Variants in NTRK2 observed in about 807,000 individuals in gnomAD.
NTRK2 encodes BDNF/NT-3 growth factors receptor.
NTRK2 carries 13 observed loss-of-function variants against 94.5 expected under a neutral mutation model. That is an observed-to-expected ratio of 0.14 (90% CI 0.09 to 0.22). The LOEUF (loss-of-function observed/expected upper bound fraction) is 0.22, where lower values mean the gene tolerates loss of function less well. NTRK2 is among the 10% of genes least tolerant of loss of function. NTRK2 has a pLI of 1.00. For synonymous variants in NTRK2, 372 were observed against 407.4 expected (o/e 0.91, Z 1.05); for missense variants, 639 against 1,071.2 (o/e 0.60, Z 5.63).
At chr9:84,704,437 A>T (rs1030751883) in intron 4 of NTRK2, among the ~76,000 whole-genome samples, 1 of 151,700 alleles carries the variant, frequency 6.6e-6, no homozygotes, top group African/African-American at 2.4e-5. Flanking sequence ...CGCATTAGCC[A>T]GGATGGTCTC....
chr9:84,942,903 C>T (rs1230574417), intron 15 of NTRK2, among the ~76,000 whole-genome samples: 1 of 152,060 alleles, frequency 6.6e-6, no homozygotes, highest in Non-Finnish European at 1.5e-5. Flanking sequence ...TAAAGATTCT[C>T]CATTTGCAAC....
intron 14 of NTRK2, chr9:84,875,793 C>A (rs1487569944): frequency 9.5e-7 from 1 of 1,048,814 alleles, no homozygotes; most frequent in African/African-American, 1.7e-5. Context: ...ATGTCTCAGG[C>A]CTCTAGACCT....
At chr9:84,900,193 C>G (rs563358848) in intron 14 of NTRK2, among the ~76,000 whole-genome samples, 1 of 152,126 alleles carries the variant, frequency 6.6e-6, no homozygotes, top group East Asian at 1.9e-4. Flanking sequence ...TGATCACGTT[C>G]GGAAAATGAG....
At chr9:84,769,485 C>T (rs1463110773) in intron 12 of NTRK2, among the ~76,000 whole-genome samples, 1 of 152,172 alleles carries the variant, frequency 6.6e-6, no homozygotes, top group East Asian at 1.9e-4. Context: ...TTGAATAAGG[C>T]AGAGTCTTGA....
chr9:84,738,345 C>T (rs1410890829), intron 9 of NTRK2, among the ~76,000 whole-genome samples: 1 of 151,940 alleles, frequency 6.6e-6, no homozygotes, highest in African/African-American at 2.4e-5. Context: ...TTTGTCTTTC[C>T]TCAGTGACCT....
At chr9:85,017,618 C>A (rs1371235318) in intron 17 of NTRK2, among the ~76,000 whole-genome samples, 1 of 152,220 alleles carries the variant, frequency 6.6e-6, no homozygotes, top group Non-Finnish European at 1.5e-5. Context: ...AAACTCCTCA[C>A]ATACTTTAAT....
rs773255610 is a variant in NTRK2 at position 85,020,325 on chromosome 9, C to T, written c.2292C>T (p.Thr764=). 2 of 1,614,124 alleles carry T rather than the reference C, an allele frequency of 1.2e-6. No individual in the cohort carries two copies. The highest frequency in any genetic ancestry group is 1.7e-6 in the Non-Finnish European group (2 of 1,180,008). The change falls in exon 18 of 19, where the codon ACC becomes ACT. Residue 764 remains threonine (T), a synonymous_variant. Coordinates refer to ENST00000277120, the MANE Select transcript of NTRK2 (RefSeq NM_006180.6). The part of the protein sequence containing the change: ...SLGVVLWEIF[T]YGKQPWYQLS... ...GGGTCGTGTTGTGGGAGATTTTCACCTATGGCAAACAGCCCTGGTACCAGC... is the reference window on the plus strand; with the variant it reads ...GGGTCGTGTTGTGGGAGATTTTCACTTATGGCAAACAGCCCTGGTACCAGC...
chr9:84,754,342 T>A lies in NTRK2; in HGVS notation c.1396+2257T>A, dbSNP rs2064892299. Among the ~76,000 whole-genome samples the A allele has an allele frequency of 2.0e-5, 3 of 152,256 alleles. No individual in the cohort carries two copies. The South Asian group carries it at 6.2e-4, about 32-fold the overall frequency. On this transcript the variant is annotated intron_variant, in intron 12 of 18. Transcript: ENST00000277120. ...AATAGCTTACTGTTCTATTTTAAGC[T>A]ACATGTCTATCTGGGGCATGATGTG...
intron 15 of NTRK2, among the ~76,000 whole-genome samples, chr9:84,945,879 A>G (rs2078582363): frequency 6.6e-6 from 1 of 152,188 alleles, no homozygotes; most frequent in Non-Finnish European, 1.5e-5. Flanking sequence ...ACCACAGAGT[A>G]AAGTGAAAAT....
intron 12 of NTRK2, among the ~76,000 whole-genome samples, chr9:84,761,979 C>G (rs1459228851): frequency 6.6e-6 from 1 of 152,028 alleles, no homozygotes; most frequent in African/African-American, 2.4e-5. Context: ...TGGGTCTGTC[C>G]CATGCTGTTC....
chr9:84,906,795 G>A (rs555861141), intron 14 of NTRK2, among the ~76,000 whole-genome samples: 32 of 152,314 alleles, frequency 2.1e-4, no homozygotes, highest in Admixed American at 1.4e-3. Context: ...TTGGTTGGAA[G>A]TGCCTTGCTG....
intron 14 of NTRK2, among the ~76,000 whole-genome samples, chr9:84,926,169 C>CCTTCCTTCCTTT (rs2077790007): frequency 1.6e-4 from 6 of 38,552 alleles, no homozygotes; most frequent in Admixed American, 9.2e-4. Flanking sequence ...TTCCTTCCTT[C>CCTTCCTTCCTTT]CTTTCTTTCT....
At chr9:84,723,932 A>G (rs568276051) in intron 7 of NTRK2, among the ~76,000 whole-genome samples, 19 of 152,342 alleles carry the variant, frequency 1.2e-4, no homozygotes, top group South Asian at 4.1e-4. Context: ...AGGAGTCTCT[A>G]TATCCCTAGT....
At position 84,882,697 on chromosome 9, in the gene NTRK2, AGTGT is replaced by A. The variant is rs71847053; in HGVS notation, c.1633+15286_1633+15289del. ...TTCACTGTGTCATCTCTTTTGTTCT[AGTGT>A]GTGTGTGTGTGTGTGTGTGCGCGCG... On this transcript the variant is annotated intron_variant, in intron 14 of 18. Coordinates refer to ENST00000277120, the MANE Select transcript of NTRK2 (RefSeq NM_006180.6). Among the ~76,000 whole-genome samples the A allele has an allele frequency of 1.5e-4, 23 of 149,812 alleles. 1 individual carries two copies. The highest frequency in any genetic ancestry group is 2.7e-4 in the African/African-American group (11 of 40,566).
At chr9:84,892,922 C>CA (rs58211840) in intron 14 of NTRK2, among the ~76,000 whole-genome samples, 2,028 of 144,904 alleles carry the variant, frequency 0.014, 28 homozygotes, top group African/African-American at 0.036. Flanking sequence ...AACTCCATCT[C>CA]AAAAAAAAAA....
rs574339673 is a variant in NTRK2 at position 85,022,742 on chromosome 9, G to A, written c.*1305G>A. On this transcript the variant is annotated 3_prime_UTR_variant, in exon 19 of 19. Transcript: ENST00000277120. ...GGTATGACTTATACAATTAGGGGAA[G>A]CTAATGGAGTTTATTAGCTGAGTAT... is the stretch of plus-strand genomic sequence containing the variant. 1 of 233,246 alleles carries A rather than the reference G, an allele frequency of 4.3e-6. No homozygotes were observed. Among genetic ancestry groups the A allele is most frequent in the Admixed American group, 5.6e-5 (1 of 17,790 alleles). 14.4% of individuals were successfully genotyped at this position (233,246 alleles called of 1,614,324 possible). A position where few individuals can be genotyped will look rare whatever the true frequency, so the allele number is the denominator to read the frequency against.
chr9:84,814,529 G>C, intron 12 of NTRK2: 1 of 1,065,582 alleles, frequency 9.4e-7, no homozygotes, highest in Non-Finnish European at 1.1e-6. Context: ...CACAGAATTA[G>C]AACACACACG....
At chr9:84,797,603 T>A (rs551587335) in intron 12 of NTRK2, among the ~76,000 whole-genome samples, 2,090 of 79,532 alleles carry the variant, frequency 0.026, 90 homozygotes, top group East Asian at 0.082. Flanking sequence ...TACTATATAT[T>A]ATATATAATA....
intron 13 of NTRK2, among the ~76,000 whole-genome samples, chr9:84,864,885 T>A (rs1395796580): frequency 6.6e-6 from 1 of 151,650 alleles, no homozygotes; most frequent in East Asian, 1.9e-4. Flanking sequence ...GGATTACAGG[T>A]GCACGCCACC....
Sources: gnomAD v4.1 joint callset for allele counts (sites outside exome capture counted in the v4.1 genomes callset) on GRCh38, gnomAD v4.1.1 for gene constraint, MANE v1.5 for transcripts, NCBI Gene and HGNC (gene_info 2026-07-23, HGNC 2026-07-21) for gene names.